PRDM5: variants seen among roughly 807,000 people sequenced by gnomAD.
PRDM5 encodes the protein PR/SET domain 5, also known as PR domain zinc finger protein 5.
PRDM5 carries 56 observed loss-of-function variants against 81.2 expected under a neutral mutation model. The ratio of observed to expected loss-of-function variants is 0.69; its 90% CI spans 0.56 to 0.86. PRDM5 has a LOEUF of 0.86. Ranked by LOEUF, PRDM5 falls within the 40% of genes least tolerant of loss-of-function variation. The pLI is 0.00. For missense variants in PRDM5, 697 were observed against 770.1 expected, an observed-to-expected ratio of 0.91 and a Z score of 1.12; for synonymous variants, 267 against 256.4, an observed-to-expected ratio of 1.04 and a Z score of -0.39.
At chr4:120,758,321 A>G (rs1430470884) in intron 13 of PRDM5, among the ~76,000 whole-genome samples, 4 of 152,204 alleles carry the variant, frequency 2.6e-5, no homozygotes, top group Non-Finnish European at 5.9e-5. Context: ...GACAATAGAT[A>G]CATGGTCACT....
intron 3 of PRDM5, among the ~76,000 whole-genome samples, chr4:120,826,134 C>T (rs543669316): frequency 6.6e-6 from 1 of 152,222 alleles, no homozygotes; most frequent in Non-Finnish European, 1.5e-5. Context: ...ACTCCAACAG[C>T]TTACCAAGTG....
At chr4:120,710,882 A>T (rs1011262662) in intron 14 of PRDM5, among the ~76,000 whole-genome samples, 1 of 152,222 alleles carries the variant, frequency 6.6e-6, no homozygotes, top group African/African-American at 2.4e-5. Flanking sequence ...ATTTCTTCAT[A>T]GTGGTGTGAG....
intron 2 of PRDM5, among the ~76,000 whole-genome samples, chr4:120,861,651 G>A (rs3114958): frequency 0.17 from 26,089 of 151,708 alleles, 2,294 homozygotes; most frequent in African/African-American, 0.22. Context: ...TACAAAAATT[G>A]GCCAGGCTTG....
chr4:120,855,432 G>T (rs775337510), intron 2 of PRDM5, among the ~76,000 whole-genome samples: 1 of 152,168 alleles, frequency 6.6e-6, no homozygotes, highest in Non-Finnish European at 1.5e-5. Flanking sequence ...TCACTGAAAA[G>T]ATCTGCTTTG....
rs200656781 is a variant in PRDM5 at position 120,803,358 on chromosome 4, C to T, written c.946-3613G>A. On this transcript the variant is annotated intron_variant, in intron 8 of 15. Coordinates refer to ENST00000264808, the MANE Select transcript of PRDM5 (RefSeq NM_018699.4). ...TTCAAATTCAGGAAATACAGACACA[C>T]CACAAAGATACTCCTCAAGAAGAGC... Among the ~76,000 whole-genome samples, 46 of 152,146 alleles carry T rather than the reference C, an allele frequency of 3.0e-4. No homozygotes were observed. In the East Asian group the frequency reaches 5.6e-3, roughly 19 times the overall value.
intron 10 of PRDM5, among the ~76,000 whole-genome samples, chr4:120,790,093 C>T (rs1384157865): frequency 2.0e-5 from 3 of 152,148 alleles, no homozygotes; most frequent in East Asian, 3.9e-4. Context: ...TTCCACTCAA[C>T]GACACTGGTA....
chr4:120,689,012 T>C (rs1496274), downstream of PRDM5, among the ~76,000 whole-genome samples: 131,242 of 152,104 alleles, frequency 0.86, 56,806 homozygotes, highest in Middle Eastern at 0.91. Flanking sequence ...GCCATCCATA[T>C]ACCCCCTTTA....
intron 8 of PRDM5, among the ~76,000 whole-genome samples, chr4:120,808,562 C>A (rs1257508347): frequency 4.6e-5 from 7 of 152,164 alleles, no homozygotes; most frequent in African/African-American, 7.2e-5. Flanking sequence ...GTGGATCCTA[C>A]ACTGGGGTCA....
intron 13 of PRDM5, among the ~76,000 whole-genome samples, chr4:120,772,153 C>T (rs1747385604): frequency 6.6e-6 from 1 of 152,138 alleles, no homozygotes; most frequent in Admixed American, 6.5e-5. Context: ...ACCCTGAGAC[C>T]TGTTTCTACT....
chr4:120,860,873 G>C (rs1411265479), intron 2 of PRDM5, among the ~76,000 whole-genome samples: 1 of 152,168 alleles, frequency 6.6e-6, no homozygotes. Context: ...CAGTTTGGCA[G>C]CATCCACCAG....
rs1273602534 is a variant in PRDM5, at chr4:120,694,428, G to C, written c.*683C>G. ...AGACCATGAATGTCTGCATCTGAATGATGAGAATAAATAATGTTTCCTAAG... is the reference window on the plus strand; with the variant it reads ...AGACCATGAATGTCTGCATCTGAATCATGAGAATAAATAATGTTTCCTAAG... On this transcript the variant is annotated 3_prime_UTR_variant, in exon 16 of 16. Coordinates refer to ENST00000264808, the MANE Select transcript of PRDM5 (RefSeq NM_018699.4). 6.6e-6 allele frequency: 1 copy of C among 152,160 alleles called. No individual in the cohort carries two copies. The highest frequency in any genetic ancestry group is 1.5e-5 in the Non-Finnish European group (1 of 68,034). The allele number at this position is 152,160 out of a possible 1,614,324, so 9.4% of individuals were successfully genotyped here. A position where few individuals can be genotyped will look rare whatever the true frequency, so the allele number is the denominator to read the frequency against.
chr4:120,746,676 T>A (rs1252678996), intron 14 of PRDM5, among the ~76,000 whole-genome samples: 2 of 147,060 alleles, frequency 1.4e-5, no homozygotes, highest in Non-Finnish European at 3.0e-5. Context: ...AAAAAACACA[T>A]GAAAAAATGC....
intron 9 of PRDM5, among the ~76,000 whole-genome samples, 188 bp from the exon 10 acceptor site, chr4:120,798,612 TTC>T (rs1751676503): frequency 1.3e-5 from 2 of 152,312 alleles, no homozygotes; most frequent in Admixed American, 1.3e-4. Flanking sequence ...TATGAGCTTG[TTC>T]TCTTACAGAC....
chr4:120,902,759 C>CTGA (rs1256460520), intron 2 of PRDM5, among the ~76,000 whole-genome samples: 3 of 152,212 alleles, frequency 2.0e-5, no homozygotes, highest in African/African-American at 7.2e-5. Context: ...AGCTCAAAAC[C>CTGA]TGATGGCCAA....
At chr4:120,773,304 T>C (rs972607585) in intron 13 of PRDM5, among the ~76,000 whole-genome samples, 1 of 152,088 alleles carries the variant, frequency 6.6e-6, no homozygotes, top group Non-Finnish European at 1.5e-5. Context: ...AAGGAAATGA[T>C]AGGAATTGTT....
At chr4:120,765,687 C>G (rs1439188957) in intron 13 of PRDM5, among the ~76,000 whole-genome samples, 1 of 152,192 alleles carries the variant, frequency 6.6e-6, no homozygotes, top group Non-Finnish European at 1.5e-5. Context: ...CCCTGTTTGA[C>G]AGCAAATCCT....
Position 120,781,267 on chromosome 4 carries a change from G to A in PRDM5, c.1319C>T (p.Thr440Ile). 1 of 1,613,096 alleles carries A rather than the reference G, an allele frequency of 6.2e-7. No homozygotes were observed. The highest frequency in any genetic ancestry group is 8.5e-7 in the Non-Finnish European group (1 of 1,179,378). ...ATTTAATGTATCCTTCCTCTTAAAG[G>A]TAGCATCGCAGTGATGGCACTTGAA... ...RTFKCHHCDA[T>I]FKRKDTLNVH... The change falls in exon 12 of 16, where the codon ACC becomes ATC. Residue 440 changes from threonine to isoleucine, a missense_variant. By Grantham distance (89) the Thr-to-Ile change is moderately conservative. This residue lies in a region of PRDM5 where 577 missense variants were observed against 606.7 expected (regional missense o/e 0.95). Transcript: ENST00000264808.
chr4:120,918,910 C>T (rs180834584), intron 1 of PRDM5, among the ~76,000 whole-genome samples: 1 of 152,144 alleles, frequency 6.6e-6, no homozygotes, highest in East Asian at 1.9e-4. Context: ...AAAGGAGAGG[C>T]GGAGACAGGA....
intron 12 of PRDM5, among the ~76,000 whole-genome samples, chr4:120,780,002 A>G (rs1245944547): frequency 1.3e-5 from 2 of 152,164 alleles, no homozygotes; most frequent in African/African-American, 4.8e-5. Flanking sequence ...TAAATATTAA[A>G]AAAATACAGG....
Sources: allele counts gnomAD v4.1 joint callset (sites outside exome capture counted in the v4.1 genomes callset), GRCh38; gene constraint gnomAD v4.1.1; regional missense constraint gnomAD v4.1.1; transcripts MANE v1.5; gene names NCBI Gene and HGNC (gene_info 2026-07-23, HGNC 2026-07-21).